Variants in NOX5 observed in about 807,000 individuals in gnomAD.
NOX5 encodes the protein NADPH oxidase 5.
A neutral mutation model predicts 85.7 loss-of-function variants in NOX5; 76 were observed. That is an observed-to-expected ratio of 0.89 (90% CI 0.74 to 1.07). NOX5 has a LOEUF of 1.07. Among genes scored for constraint, NOX5 ranks in the 50% least tolerant of loss-of-function variants. The probability of loss-of-function intolerance (pLI) is 0.00; values close to 1 mark genes in which losing one functional copy is unlikely to be tolerated. For missense variants in NOX5, 973 were observed against 999.5 expected (o/e 0.97, Z 0.36); for synonymous variants, 405 against 401.4 (o/e 1.01, Z -0.11).
In NOX5 at chr15:69,028,201, C is replaced by T. The variant is rs769644054; in HGVS notation, c.175-14C>T. The T allele has an allele frequency of 4.4e-6, 7 of 1,586,044 alleles. No individual in the cohort carries two copies. The highest frequency in any genetic ancestry group is 5.1e-6 in the Non-Finnish European group (6 of 1,165,630). On this transcript the variant is annotated splice_polypyrimidine_tract_variant and intron_variant, in intron 2 of 15. Coordinates refer to ENST00000388866, the MANE Select transcript of NOX5 (RefSeq NM_024505.4). ...GGCCACAGTTGTGCTGTCTTCCACC[C>T]TTCTCGCCCACAGTCCTTCTTTGCA...
At chr15:69,041,520 T>G (rs2050594306) in intron 9 of NOX5, among the ~76,000 whole-genome samples, 1 of 152,234 alleles carries the variant, frequency 6.6e-6, no homozygotes, top group South Asian at 2.1e-4. Flanking sequence ...TCTGACTTTT[T>G]CACGGTAAAA....
rs764287965 is a variant in NOX5 at position 69,037,163 on chromosome 15, C to T, written c.1324C>T (p.Arg442Cys). 31 of 1,613,826 alleles carry T rather than the reference C, an allele frequency of 1.9e-5. No homozygotes were observed. The highest frequency in any genetic ancestry group is 1.5e-4 in the Admixed American group (9 of 59,994). ...GAAGGCCATCGGACTGGCAGTGTCC[C>T]GCATGGCAGCCGTGTGCATCATGGA... ...LEKAIGLAVS[R>C]MAAVCIMEVN... The change falls in exon 8 of 16, where the codon CGC becomes TGC. Residue 442 changes from arginine (R) to cysteine (C), a missense_variant. By Grantham distance (180) the Arg-to-Cys change is radical (BLOSUM62 -3). Coordinates refer to ENST00000388866, the MANE Select transcript of NOX5 (RefSeq NM_024505.4).
chr15:69,034,206 A>G (rs2140261609), intron 5 of NOX5, among the ~76,000 whole-genome samples: 1 of 152,118 alleles, frequency 6.6e-6, no homozygotes, highest in South Asian at 2.1e-4. Context: ...GTTTTATTTT[A>G]AATTTATTTT....
At chr15:69,027,988 A>AG (rs1262399637) in intron 2 of NOX5, among the ~76,000 whole-genome samples, 2 of 152,156 alleles carry the variant, frequency 1.3e-5, no homozygotes, top group Non-Finnish European at 2.9e-5. Context: ...CAGTGCCTGA[A>AG]GGGGGCCTGA....
chr15:69,026,135 G>C (rs1399729521), intron 1 of NOX5, among the ~76,000 whole-genome samples: 2 of 152,224 alleles, frequency 1.3e-5, no homozygotes, highest in Non-Finnish European at 2.9e-5. Flanking sequence ...AGGAAGTAGT[G>C]GTGGTGGGAA....
intron 1 of NOX5, 92 bp downstream of exon 1, chr15:69,014,877 C>A (rs1163487688): frequency 2.1e-6 from 2 of 943,352 alleles, no homozygotes; most frequent in Non-Finnish European, 3.3e-6. Context: ...GTAACTGTGT[C>A]TGCCTTGGGC....
intron 1 of NOX5, among the ~76,000 whole-genome samples, chr15:69,020,047 A>G (rs2059305274): frequency 1.3e-5 from 2 of 152,198 alleles, no homozygotes; most frequent in East Asian, 1.9e-4. Context: ...ATCTTTTGCT[A>G]CTTTCCATTG....
chr15:69,047,481 C>T lies in NOX5; in HGVS notation c.1761C>T (p.Ile587=), dbSNP rs149039817. The part of the protein sequence containing the change: ...RIFASEHAVL[I]GAGIGITPFA... Reference sequence around the variant, plus strand: ...TTGCCTCTGAGCATGCCGTGCTCATCGGGGCAGGCATCGGCATCACCCCCT... The same window carrying T: ...TTGCCTCTGAGCATGCCGTGCTCATTGGGGCAGGCATCGGCATCACCCCCT... The change falls in exon 12 of 16, where the codon ATC becomes ATT. Residue 587 remains isoleucine (I), a synonymous_variant. Coordinates refer to ENST00000388866, the MANE Select transcript of NOX5 (RefSeq NM_024505.4). 426 of 1,614,006 alleles carry T rather than the reference C, an allele frequency of 2.6e-4. 1 individual carries two copies. In the African/African-American group the frequency reaches 4.4e-3, roughly 17 times the overall value.
At chr15:69,038,819 C>G (rs772885829) in intron 8 of NOX5, 38 bp from the exon 9 acceptor site, 13 of 1,613,888 alleles carry the variant, frequency 8.1e-6, no homozygotes, top group Non-Finnish European at 9.3e-6. Flanking sequence ...TGGCTTTGGG[C>G]CTGCAGGAAT....
intron 9 of NOX5, among the ~76,000 whole-genome samples, 166 bp downstream of exon 9, chr15:69,039,155 G>T (rs1323983449): frequency 6.6e-6 from 1 of 152,190 alleles, no homozygotes; most frequent in Non-Finnish European, 1.5e-5. Context: ...ACACCGATTG[G>T]CATGGCAAGG....
intron 3 of NOX5, chr15:69,030,168 T>C (rs1460135010): frequency 6.6e-6 from 1 of 152,192 alleles, no homozygotes; most frequent in African/African-American, 2.4e-5. Flanking sequence ...TATATGATCT[T>C]AGACTAGTTA....
At position 69,049,074 on chromosome 15, in the gene NOX5, G is replaced by A. The variant is rs925791385; in HGVS notation, c.1999+16G>A. 6.3e-7 allele frequency: 1 copy of A among 1,584,728 alleles called. No homozygotes were observed. The highest frequency in any genetic ancestry group is 1.1e-5 in the South Asian group (1 of 88,156). ...GCTCAATACGGTAAGAGAGGGACAG[G>A]GCCTGAGGGCAGTAGGAGTAGGGCA... On this transcript the variant is annotated intron_variant, in intron 14 of 15. Coordinates refer to ENST00000388866, the MANE Select transcript of NOX5 (RefSeq NM_024505.4).
At chr15:69,045,030 ACTT>A (rs757725516) in intron 10 of NOX5, among the ~76,000 whole-genome samples, 4 of 152,212 alleles carry the variant, frequency 2.6e-5, no homozygotes, top group South Asian at 2.1e-4. Context: ...ACAGTGGGAA[ACTT>A]CTTCTGAAGA....
In NOX5 at chr15:69,033,676, G is replaced by GTT. The variant is rs113163030; in HGVS notation, c.855+409_855+410dup. Among the ~76,000 whole-genome samples, 9 of 135,054 alleles carry GTT rather than the reference G, an allele frequency of 6.7e-5. No homozygotes were observed. The East Asian group carries it at 1.5e-3, about 23-fold the overall frequency. The allele number at this position is 135,054 out of a possible 152,430, so 88.6% of individuals were successfully genotyped here. A position where few individuals can be genotyped will look rare whatever the true frequency, so the allele number is the denominator to read the frequency against. On this transcript the variant is annotated intron_variant, in intron 5 of 15. Transcript: ENST00000388866. ...CTCATGGATGAGGCCTCTAAGAGGT[G>GTT]TTTTTTTTTTTCTTTCTTTTTTTTC...
intron 7 of NOX5, among the ~76,000 whole-genome samples, chr15:69,036,497 A>T (rs576509048): frequency 3.3e-4 from 50 of 152,208 alleles, no homozygotes; most frequent in Admixed American, 1.2e-3. Context: ...TGGCCTGACC[A>T]CATCAGAAAT....
chr15:69,055,883 T>C (rs770385728), intron 15 of NOX5, among the ~76,000 whole-genome samples: 1 of 152,192 alleles, frequency 6.6e-6, no homozygotes, highest in African/African-American at 2.4e-5. Context: ...TCGTTTGCAA[T>C]CCTTTTATTT....
chr15:69,045,571 C>CTTTCTTTCTTTCTTTCTTTCTTT lies in NOX5; in HGVS notation c.1648-1251_1648-1250insTTTCTTTCTTTCTTTCTTTCTTT, dbSNP rs1567105211. ...TTCTTTCTTTCTTTCTTTCTTTCTT[C>CTTTCTTTCTTTCTTTCTTTCTTT]CCTTTCTTTCTTTTCTTTCTTTCTT... On this transcript the variant is annotated intron_variant, in intron 10 of 15. Coordinates refer to ENST00000388866, the MANE Select transcript of NOX5 (RefSeq NM_024505.4). Among the ~76,000 whole-genome samples, 9 of 7,476 alleles carry CTTTCTTTCTTTCTTTCTTTCTTT rather than the reference C, an allele frequency of 1.2e-3. No individual in the cohort carries two copies. In the East Asian group the frequency reaches 0.045, roughly 37 times the overall value. 4.9% of individuals were successfully genotyped at this position (7,476 alleles called of 152,430 possible).
At chr15:69,047,274 C>G (rs1055981939) in intron 11 of NOX5, 139 bp from the exon 12 acceptor site, 42 of 1,097,156 alleles carry the variant, frequency 3.8e-5, no homozygotes, top group Non-Finnish European at 4.7e-5. Flanking sequence ...GGAGTGGGAG[C>G]CACTTAGACC....
At chr15:69,036,146 G>A (rs1199272999) in intron 7 of NOX5, among the ~76,000 whole-genome samples, 1 of 151,904 alleles carries the variant, frequency 6.6e-6, no homozygotes, top group African/African-American at 2.4e-5. Context: ...GGAAGAGTCT[G>A]CCTTTTTGCT....
Sources: gnomAD v4.1 joint callset for allele counts (sites outside exome capture counted in the v4.1 genomes callset) on GRCh38, gnomAD v4.1.1 for gene constraint, MANE v1.5 for transcripts, NCBI Gene and HGNC (gene_info 2026-07-23, HGNC 2026-07-21) for gene names.